LRRTM4: variants seen among roughly 807,000 people sequenced by gnomAD.
LRRTM4 encodes the protein leucine-rich repeat transmembrane neuronal protein 4.
LRRTM4 carries 25 observed loss-of-function variants against 47.6 expected under a neutral mutation model. That is an observed-to-expected ratio of 0.53 (90% CI 0.38 to 0.73). The LOEUF is 0.73. Ranked by LOEUF, LRRTM4 falls within the 30% of genes least tolerant of loss-of-function variation. LRRTM4 has a pLI of 0.00. For missense variants in LRRTM4, 638 were observed against 713.4 expected (o/e 0.89, Z 1.20); for synonymous variants, 311 against 269.5 (o/e 1.15, Z -1.51).
At chr2:77,083,298 T>G (rs1045672753) in intron 3 of LRRTM4, among the ~76,000 whole-genome samples, 2 of 152,178 alleles carry the variant, frequency 1.3e-5, no homozygotes, top group Admixed American at 6.5e-5. Context: ...AAGCTTTGGG[T>G]TGAGCTCCAT....
chr2:76,773,983 G>A (rs987188719), intron 3 of LRRTM4, among the ~76,000 whole-genome samples: 20 of 151,562 alleles, frequency 1.3e-4, no homozygotes, highest in East Asian at 7.8e-4. Context: ...AATATATAGC[G>A]GATCTTTGAA....
At chr2:76,838,434 G>A (rs528600022) in intron 3 of LRRTM4, among the ~76,000 whole-genome samples, 93 of 152,044 alleles carry the variant, frequency 6.1e-4, no homozygotes, top group Non-Finnish European at 1.1e-3. Flanking sequence ...GACAAATAAT[G>A]TAAATAATGC....
intron 3 of LRRTM4, among the ~76,000 whole-genome samples, chr2:76,939,598 T>C (rs1288784513): frequency 2.0e-5 from 3 of 151,870 alleles, no homozygotes; most frequent in African/African-American, 7.3e-5. Context: ...ACTGAAGGAA[T>C]AGAACCAATA....
chr2:77,519,338 A>C lies in LRRTM4; in HGVS notation c.531T>G (p.Phe177Leu). 1 of 1,613,484 alleles carries C rather than the reference A, an allele frequency of 6.2e-7. No homozygotes were observed. Among genetic ancestry groups the C allele is most frequent in the South Asian group, 1.1e-5 (1 of 91,080 alleles). ...NSLKTVPIRV[F>L]QDCRNLDFLD... ...AAAAATCAAGATTCCGACAGTCTTGAAAAACTCTTATGGGCACAGTCTTTA... is the reference window on the plus strand; with the variant it reads ...AAAAATCAAGATTCCGACAGTCTTGCAAAACTCTTATGGGCACAGTCTTTA... Residue 177 changes from phenylalanine to leucine, a missense_variant, in exon 3 of 4, where the codon TTT (phenylalanine) becomes TTG (leucine). Coordinates refer to ENST00000409884, the MANE Select transcript of LRRTM4 (RefSeq NM_001134745.3). The surrounding 1 kb of genome is among the most constrained non-coding windows in gnomAD (Gnocchi z 4.6).
At chr2:76,991,329 T>C (rs1042420550) in intron 3 of LRRTM4, among the ~76,000 whole-genome samples, 12 of 151,464 alleles carry the variant, frequency 7.9e-5, no homozygotes, top group African/African-American at 2.9e-4. Flanking sequence ...GACTCAAAAA[T>C]TCATACAAAG....
chr2:77,213,397 C>G (rs1674349358), intron 3 of LRRTM4, among the ~76,000 whole-genome samples: 1 of 152,014 alleles, frequency 6.6e-6, no homozygotes, highest in Non-Finnish European at 1.5e-5. Context: ...CCCTATGGGC[C>G]TTAGATTCCT....
chr2:76,887,673 A>T (rs925246543), intron 3 of LRRTM4, among the ~76,000 whole-genome samples: 1 of 134,602 alleles, frequency 7.4e-6, no homozygotes, highest in African/African-American at 2.8e-5. Context: ...ATTTATATAT[A>T]TATGTGCACA....
chr2:77,198,005 G>T (rs754000109), intron 3 of LRRTM4, among the ~76,000 whole-genome samples: 6 of 152,174 alleles, frequency 3.9e-5, no homozygotes, highest in Non-Finnish European at 7.3e-5. Flanking sequence ...ACGACTTTAT[G>T]TTGATAAATA....
At chr2:77,423,721 C>A (rs993522049) in intron 3 of LRRTM4, among the ~76,000 whole-genome samples, 2 of 152,162 alleles carry the variant, frequency 1.3e-5, no homozygotes, top group Non-Finnish European at 2.9e-5. Context: ...AACTTCTCAA[C>A]AGTCAGAATT....
In LRRTM4 at chr2:76,900,114, T is replaced by C. The variant is rs115974104; in HGVS notation, c.1552-151198A>G. Among the ~76,000 whole-genome samples the C allele has an allele frequency of 3.0e-3, 459 of 152,074 alleles. 2 individuals are homozygous for C. Among genetic ancestry groups the C allele is most frequent in the African/African-American group, 0.011 (437 of 41,488 alleles). ...CATGATGGATGGCTCATGCCTCTAG[T>C]CCCAGCTGCTTGGGAGGCTTGAGGT... is the stretch of plus-strand genomic sequence containing the variant. On this transcript the variant is annotated intron_variant, in intron 3 of 3. Transcript: ENST00000409884.
At chr2:77,336,581 T>A (rs1018050108) in intron 3 of LRRTM4, among the ~76,000 whole-genome samples, 20 of 152,222 alleles carry the variant, frequency 1.3e-4, no homozygotes, top group African/African-American at 4.1e-4. Flanking sequence ...AATCAAAAAA[T>A]GTGAGTCACC....
At chr2:76,793,549 T>C (rs928875680) in intron 3 of LRRTM4, among the ~76,000 whole-genome samples, 8 of 152,154 alleles carry the variant, frequency 5.3e-5, no homozygotes, top group Non-Finnish European at 1.2e-4. Flanking sequence ...TGTATTTTTA[T>C]ATGAGAAGCC....
chr2:77,367,076 T>C lies in LRRTM4; in HGVS notation c.1551+151242A>G, dbSNP rs146889034. Among the ~76,000 whole-genome samples, 656 of 151,986 alleles carry C rather than the reference T, an allele frequency of 4.3e-3. 8 individuals carry two copies. The highest frequency in any genetic ancestry group is 0.014 in the African/African-American group (583 of 41,532). On this transcript the variant is annotated intron_variant, in intron 3 of 3. Transcript: ENST00000409884. ...ATACTGGCTATTTGTCAATCTCTCA[T>C]ATTCTCTATGTCCTCCATCACCATT... is the stretch of plus-strand genomic sequence containing the variant.
intron 3 of LRRTM4, among the ~76,000 whole-genome samples, chr2:77,260,017 T>G (rs1675875090): frequency 6.6e-6 from 1 of 151,786 alleles, no homozygotes; most frequent in Admixed American, 6.6e-5. Flanking sequence ...GAAAAGAAAA[T>G]TAGTGTCAGG....
intron 3 of LRRTM4, among the ~76,000 whole-genome samples, chr2:76,887,900 A>G (rs1673128613): frequency 6.6e-6 from 1 of 151,140 alleles, no homozygotes; most frequent in Non-Finnish European, 1.5e-5. Flanking sequence ...TTATCAAGTG[A>G]AAGTCCTACT....
chr2:76,779,385 T>A (rs1222384424), intron 3 of LRRTM4, among the ~76,000 whole-genome samples: 2 of 151,052 alleles, frequency 1.3e-5, no homozygotes, highest in African/African-American at 4.9e-5. Context: ...ATTATTAATG[T>A]ATGGGAGTCT....
At chr2:76,932,562 C>T (rs1177613648) in intron 3 of LRRTM4, among the ~76,000 whole-genome samples, 1 of 152,012 alleles carries the variant, frequency 6.6e-6, no homozygotes, top group East Asian at 1.9e-4. Flanking sequence ...GGAATTTGGT[C>T]TCTTCTGTAC....
chr2:76,872,713 T>A (rs984783662), intron 3 of LRRTM4, among the ~76,000 whole-genome samples: 10 of 152,076 alleles, frequency 6.6e-5, no homozygotes, highest in Non-Finnish European at 1.5e-4. Flanking sequence ...AACCTCATAT[T>A]TAAATTTGTT....
intron 3 of LRRTM4, among the ~76,000 whole-genome samples, chr2:77,377,931 A>G (rs1392954090): frequency 6.6e-6 from 1 of 152,008 alleles, no homozygotes; most frequent in African/African-American, 2.4e-5. Context: ...TTAATCTTTT[A>G]AAAACCAATT....
Sources: gnomAD v4.1 joint callset for allele counts (sites outside exome capture counted in the v4.1 genomes callset) on GRCh38, gnomAD v4.1.1 for gene constraint, Gnocchi (gnomAD v3.1) non-coding constraint, MANE v1.5 for transcripts, NCBI Gene and HGNC (gene_info 2026-07-23, HGNC 2026-07-21) for gene names.